PRSS27: variants seen among roughly 807,000 people sequenced by gnomAD.
PRSS27 encodes the protein serine protease 27, also known as channel-activating protease 2.
A neutral mutation model predicts 32.0 loss-of-function variants in PRSS27; 25 were observed. The observed-to-expected ratio is 0.78, with a 90% confidence interval of 0.57 to 1.09. PRSS27 has a LOEUF of 1.09. PRSS27 is among the 50% of genes least tolerant of loss of function. The pLI, the probability that PRSS27 is intolerant of heterozygous loss-of-function variation, is 0.00. For synonymous variants in PRSS27, 178 were observed against 172.2 expected (o/e 1.03, Z -0.26); for missense variants, 401 against 394.9 (o/e 1.02, Z -0.13).
intron 1 of PRSS27, chr16:2,716,986 T>G: frequency 5.7e-6 from 1 of 175,214 alleles, no homozygotes; most frequent in Non-Finnish European, 1.2e-5. Flanking sequence ...ACATTTGAGC[T>G]GCCCAGGGCT....
At position 2,713,553 on chromosome 16, in the gene PRSS27, C is replaced by T. The variant is rs933085849; in HGVS notation, c.654G>A (p.Glu218=). ...CCTTGCAGGCATCCTTCTTGCCCTC[C>T]TCGAAGCCGGCGCACAGCATGTCAT... is the stretch of plus-strand genomic sequence containing the variant. The part of the protein sequence containing the change: ...IKNDMLCAGF[E]EGKKDACKGD... The change falls in exon 5 of 6, where the codon GAG becomes GAA. Residue 218 remains glutamate, a synonymous_variant. Coordinates refer to ENST00000302641, the MANE Select transcript of PRSS27 (RefSeq NM_031948.5). 2.2e-5 allele frequency: 36 copies of T among 1,614,126 alleles called. No individual in the cohort carries two copies. Among genetic ancestry groups the T allele is most frequent in the Non-Finnish European group, 2.7e-5 (32 of 1,180,054 alleles).
Position 2,713,556 on chromosome 16 carries a change from G to A in PRSS27, c.651C>T (p.Phe217=), listed in dbSNP as rs747240588. 1.1e-5 allele frequency: 18 copies of A among 1,614,068 alleles called. No individual in the cohort carries two copies. Among genetic ancestry groups the A allele is most frequent in the East Asian group, 4.5e-5 (2 of 44,888 alleles). ...TGCAGGCATCCTTCTTGCCCTCCTC[G>A]AAGCCGGCGCACAGCATGTCATTCT... ...TIKNDMLCAG[F]EEGKKDACKG... The change falls in exon 5 of 6, where the codon TTC becomes TTT. Residue 217 remains phenylalanine, a synonymous_variant. Coordinates refer to ENST00000302641, the MANE Select transcript of PRSS27 (RefSeq NM_031948.5).
chr16:2,715,559 G>A, intron 3 of PRSS27, 159 bp downstream of exon 3: 1 of 549,014 alleles, frequency 1.8e-6, no homozygotes, highest in Non-Finnish European at 3.1e-6. Context: ...CCCTGGAGTT[G>A]GACCTAAGGG....
chr16:2,714,482 G>A lies in PRSS27; in HGVS notation c.237-146C>T. 1.1e-6 allele frequency: 1 copy of A among 910,548 alleles called. No homozygotes were observed. The highest frequency in any genetic ancestry group is 1.7e-6 in the Non-Finnish European group (1 of 597,144). 56.4% of individuals were successfully genotyped at this position (910,548 alleles called of 1,614,324 possible). On this transcript the variant is annotated intron_variant, in intron 3 of 5. Transcript: ENST00000302641. The surrounding 1 kb of genome is among the most constrained non-coding windows in gnomAD (Gnocchi z 4.7). Reference sequence around the variant, plus strand: ...AGAGTCATCTCTAGGACAGCCAGGTGCAGCGGTGATGCGTGTTGACATTGA... The same window carrying A: ...AGAGTCATCTCTAGGACAGCCAGGTACAGCGGTGATGCGTGTTGACATTGA...
At chr16:2,719,947 C>G (rs1325100512) in intron 1 of PRSS27, among the ~76,000 whole-genome samples, 168 bp downstream of exon 1, 1 of 152,214 alleles carries the variant, frequency 6.6e-6, no homozygotes, top group Non-Finnish European at 1.5e-5. Flanking sequence ...GGACTCCCCA[C>G]TTGGCACATC....
chr16:2,712,574 G>T lies in PRSS27; in HGVS notation c.*46C>A. 1 of 1,515,474 alleles carries T rather than the reference G, an allele frequency of 6.6e-7. No individual in the cohort carries two copies. Among genetic ancestry groups the T allele is most frequent in the Non-Finnish European group, 8.9e-7 (1 of 1,120,884 alleles). 93.9% of individuals were successfully genotyped at this position (1,515,474 alleles called of 1,614,324 possible). Reference sequence around the variant, plus strand: ...ACCAGCAGGATGGTGTGGGCGGGCAGGCTGGGTGCAGAGCTCTGCTCAAGG... The same window carrying T: ...ACCAGCAGGATGGTGTGGGCGGGCATGCTGGGTGCAGAGCTCTGCTCAAGG... On this transcript the variant is annotated 3_prime_UTR_variant, in exon 6 of 6. Transcript: ENST00000302641. This position sits in a 1 kb window ranked among gnomAD's most constrained non-coding sequence, Gnocchi z 4.6.
chr16:2,716,685 C>A, intron 1 of PRSS27, 159 bp from the exon 2 acceptor site: 1 of 697,354 alleles, frequency 1.4e-6, no homozygotes, highest in South Asian at 1.7e-5. Context: ...CCTGCAGTTT[C>A]CCCCCCAGGG....
chr16:2,718,780 GTCTTA>G (rs1330915332), intron 1 of PRSS27, among the ~76,000 whole-genome samples: 2 of 152,206 alleles, frequency 1.3e-5, no homozygotes, highest in Non-Finnish European at 2.9e-5. Flanking sequence ...CCAGAATCAA[GTCTTA>G]TCTTAGCCCA....
In PRSS27 at chr16:2,712,663, G is replaced by T; in HGVS notation, c.830C>A (p.Pro277His). 6.3e-7 allele frequency: 1 copy of T among 1,599,052 alleles called. No homozygotes were observed. Residue 277 changes from proline to histidine, a missense_variant, in exon 6 of 6, where the codon CCC becomes CAC. Coordinates refer to ENST00000302641, the MANE Select transcript of PRSS27 (RefSeq NM_031948.5). This position sits in a 1 kb window ranked among gnomAD's most constrained non-coding sequence, Gnocchi z 4.6. The part of the protein sequence containing the change: ...AHHNWIHRII[P>H]KLQFQPARLG... ...CCTCGCTGGCTGGAACTGCAGTTTG[G>T]GGATGATCCGATGGATCCAGTTGTG... is the stretch of plus-strand genomic sequence containing the variant.
At chr16:2,719,052 G>T (rs2067719350) in intron 1 of PRSS27, among the ~76,000 whole-genome samples, 1 of 152,242 alleles carries the variant, frequency 6.6e-6, no homozygotes, top group African/African-American at 2.4e-5. Context: ...ACCAGCCAGA[G>T]ACCTGGTGGG....
intron 5 of PRSS27, chr16:2,713,101 CT>C (rs879070151): frequency 0.1 from 39,408 of 395,880 alleles, no homozygotes; most frequent in Middle Eastern, 0.13. Context: ...TCTGCTTTTT[CT>C]TTTTTTTTTT....
rs776388000 is a variant in PRSS27 at position 2,712,675 on chromosome 16, T to C, written c.818A>G (p.His273Arg). Residue 273 changes from histidine (H) to arginine (R), a missense_variant, in exon 6 of 6, where the codon CAT (histidine) becomes CGT (arginine). His to Arg is a conservative substitution (Grantham distance 29). Transcript: ENST00000302641. This position sits in a 1 kb window ranked among gnomAD's most constrained non-coding sequence, Gnocchi z 4.6. ...GAACTGCAGTTTGGGGATGATCCGA[T>C]GGATCCAGTTGTGGTGGGCGGTGAC... is the stretch of plus-strand genomic sequence containing the variant. The part of the protein sequence containing the change: ...IRVTAHHNWI[H>R]RIIPKLQFQP... 4 of 1,599,660 alleles carry C rather than the reference T, an allele frequency of 2.5e-6. No individual in the cohort carries two copies. Among genetic ancestry groups the C allele is most frequent in the South Asian group, 2.3e-5 (2 of 88,506 alleles).
rs544417770 is a variant in PRSS27 at position 2,716,742 on chromosome 16, T to A, written c.47-216A>T. On this transcript the variant is annotated intron_variant, in intron 1 of 5. Coordinates refer to ENST00000302641, the MANE Select transcript of PRSS27 (RefSeq NM_031948.5). ...GCCCAGGCCCATGGGCCACAGCTTA[T>A]CTGCAAGGGTGGATGCTCCTTGCCA... The A allele has an allele frequency of 7.8e-4, 449 of 578,480 alleles. 3 individuals carry two copies. In the South Asian group the frequency reaches 9.4e-3, roughly 12 times the overall value. 35.8% of individuals were successfully genotyped at this position (578,480 alleles called of 1,614,324 possible).
intron 3 of PRSS27, chr16:2,715,247 G>A (rs555337073): frequency 1.3e-4 from 21 of 157,274 alleles, no homozygotes; most frequent in Non-Finnish European, 2.7e-4. Context: ...CATGGCAGAG[G>A]GCTGGGTGGC....
intron 3 of PRSS27, chr16:2,715,348 T>C: frequency 5.0e-6 from 1 of 199,836 alleles, no homozygotes; most frequent in African/African-American, 2.4e-5. Context: ...GTGAGCAGAG[T>C]TCCTCCCGGG....
chr16:2,720,039 G>A lies in PRSS27; in HGVS notation c.46+76C>T, dbSNP rs1043145897. ...AGCCTGTCCCAGGGAGTAGGGGGCT[G>A]AGCCGGAGCCCCAGGCAGTGCAGCG... On this transcript the variant is annotated intron_variant, in intron 1 of 5. Coordinates refer to ENST00000302641, the MANE Select transcript of PRSS27 (RefSeq NM_031948.5). 6 of 1,359,740 alleles carry A rather than the reference G, an allele frequency of 4.4e-6. No homozygotes were observed. In the African/African-American group the frequency reaches 7.2e-5, roughly 16 times the overall value. 84.2% of individuals were successfully genotyped at this position (1,359,740 alleles called of 1,614,324 possible). A position where few individuals can be genotyped will look rare whatever the true frequency, so the allele number is the denominator to read the frequency against.
chr16:2,715,613 G>T, intron 3 of PRSS27, 105 bp downstream of exon 3: 1 of 903,352 alleles, frequency 1.1e-6, no homozygotes, highest in East Asian at 3.2e-5. Flanking sequence ...CCCCAGGGAG[G>T]TCACCCGCAG....
At chr16:2,713,973 A>C in intron 4 of PRSS27, 92 bp downstream of exon 4, 1 of 1,349,178 alleles carries the variant, frequency 7.4e-7, no homozygotes, top group Non-Finnish European at 1.0e-6. Context: ...TTAATATAGC[A>C]ACAGGAAGAT....
rs1262262060 is a variant in PRSS27, at chr16:2,714,417, C to T, written c.237-81G>A. On this transcript the variant is annotated intron_variant, in intron 3 of 5. Coordinates refer to ENST00000302641, the MANE Select transcript of PRSS27 (RefSeq NM_031948.5). This position sits in a 1 kb window ranked among gnomAD's most constrained non-coding sequence, Gnocchi z 4.7. ...CGGGAGGGGCTGGGGCTCCTCTGGCCACCACCGTGCCCCACACCTCTCTCT... is the reference window on the plus strand; with the variant it reads ...CGGGAGGGGCTGGGGCTCCTCTGGCTACCACCGTGCCCCACACCTCTCTCT... The T allele has an allele frequency of 6.9e-7, 1 of 1,450,436 alleles. No homozygotes were observed. The highest frequency in any genetic ancestry group is 1.9e-5 in the Admixed American group (1 of 51,648). 89.8% of individuals were successfully genotyped at this position (1,450,436 alleles called of 1,614,324 possible). A position where few individuals can be genotyped will look rare whatever the true frequency, so the allele number is the denominator to read the frequency against.
Sources: allele counts gnomAD v4.1 joint callset (sites outside exome capture counted in the v4.1 genomes callset), GRCh38; gene constraint gnomAD v4.1.1; non-coding constraint Gnocchi (gnomAD v3.1); transcripts MANE v1.5; gene names NCBI Gene and HGNC (gene_info 2026-07-23, HGNC 2026-07-21).